Variants in RABGAP1L observed in about 807,000 individuals in gnomAD.
The protein encoded by RABGAP1L is rab GTPase-activating protein 1-like.
A neutral mutation model predicts 137.7 loss-of-function variants in RABGAP1L; 63 were observed. The ratio of observed to expected loss-of-function variants is 0.46; its 90% CI spans 0.37 to 0.56. The LOEUF is 0.56. Ranked by LOEUF, RABGAP1L falls within the 20% of genes least tolerant of loss-of-function variation. The pLI is 0.00. For synonymous variants in RABGAP1L, 431 were observed against 433.7 expected, an observed-to-expected ratio of 0.99 and a Z score of 0.08; for missense variants, 1,095 against 1,244.0, an observed-to-expected ratio of 0.88 and a Z score of 1.80.
At chr1:174,802,956 A>G (rs1326974087) in intron 18 of RABGAP1L, among the ~76,000 whole-genome samples, 1 of 152,360 alleles carries the variant, frequency 6.6e-6, no homozygotes, top group Non-Finnish European at 1.5e-5. Context: ...AGGAAGTACT[A>G]AAGTGTAAAA....
chr1:174,826,477 C>T (rs1691579388), intron 19 of RABGAP1L, among the ~76,000 whole-genome samples: 1 of 152,176 alleles, frequency 6.6e-6, no homozygotes, highest in African/African-American at 2.4e-5. Flanking sequence ...CTGCCTCGGC[C>T]TCTGAAAGTG....
At chr1:174,558,671 G>T (rs1667028158) in intron 13 of RABGAP1L, among the ~76,000 whole-genome samples, 1 of 152,170 alleles carries the variant, frequency 6.6e-6, no homozygotes. Flanking sequence ...AAATGCTGCT[G>T]CTTACCCATA....
intron 18 of RABGAP1L, among the ~76,000 whole-genome samples, chr1:174,787,976 T>C (rs1157990251): frequency 6.6e-6 from 1 of 152,178 alleles, no homozygotes; most frequent in African/African-American, 2.4e-5. Flanking sequence ...TTTTAAAAAC[T>C]TCCCTGTCCT....
intron 19 of RABGAP1L, among the ~76,000 whole-genome samples, chr1:174,840,524 C>T (rs1342041510): frequency 6.7e-6 from 1 of 148,944 alleles, no homozygotes; most frequent in Admixed American, 6.8e-5. Flanking sequence ...AAGAAGAAAG[C>T]GGGGGTGCTG....
At chr1:174,599,198 A>G (rs74126848) in intron 13 of RABGAP1L, among the ~76,000 whole-genome samples, 9,722 of 152,286 alleles carry the variant, frequency 0.064, 1,018 homozygotes, top group African/African-American at 0.22. Flanking sequence ...GTAAAACCAA[A>G]CGAAAAAGCA....
chr1:174,516,969 AAAAT>A (rs913281064), intron 13 of RABGAP1L, among the ~76,000 whole-genome samples: 4 of 146,264 alleles, frequency 2.7e-5, no homozygotes, highest in African/African-American at 1.0e-4. Flanking sequence ...ATAAATAAAT[AAAAT>A]AAATTATTGA....
intron 11 of RABGAP1L, among the ~76,000 whole-genome samples, chr1:174,307,920 T>C (rs1678457644): frequency 6.6e-6 from 1 of 152,146 alleles, no homozygotes; most frequent in Non-Finnish European, 1.5e-5. Flanking sequence ...TTGTACCAAT[T>C]TGTATATCTA....
chr1:174,496,237 G>A (rs993806488), intron 13 of RABGAP1L, among the ~76,000 whole-genome samples: 1 of 152,154 alleles, frequency 6.6e-6, no homozygotes. Flanking sequence ...TGCCACATTA[G>A]AAGGAAAATC....
At chr1:174,233,666 T>C (rs1468139060) in intron 4 of RABGAP1L, among the ~76,000 whole-genome samples, 3,037 of 130,562 alleles carry the variant, frequency 0.023, 198 homozygotes, top group African/African-American at 0.11. Flanking sequence ...AGTCTATCAT[T>C]GTTGGACATT....
At chr1:174,471,358 A>G (rs151025481) in intron 13 of RABGAP1L, among the ~76,000 whole-genome samples, 2,072 of 152,336 alleles carry the variant, frequency 0.014, 49 homozygotes, top group African/African-American at 0.046. Context: ...CCCCTTCAAC[A>G]GGGAAAGTAA....
chr1:174,712,589 C>T (rs932533189), intron 17 of RABGAP1L, among the ~76,000 whole-genome samples: 5 of 152,158 alleles, frequency 3.3e-5, no homozygotes, highest in East Asian at 3.9e-4. Flanking sequence ...TGAGAGTCTG[C>T]GGCTTCATTC....
intron 19 of RABGAP1L, among the ~76,000 whole-genome samples, chr1:174,865,572 T>C (rs971534060): frequency 9.7e-6 from 1 of 102,740 alleles, no homozygotes. Context: ...TCTATAGATA[T>C]CAGAGATTTT....
chr1:174,934,637 A>G (rs1263643348), intron 19 of RABGAP1L, among the ~76,000 whole-genome samples: 2 of 151,856 alleles, frequency 1.3e-5, no homozygotes, highest in African/African-American at 4.8e-5. Flanking sequence ...AAAAAAATAC[A>G]AAAAATAGCT....
intron 13 of RABGAP1L, among the ~76,000 whole-genome samples, chr1:174,530,353 A>C (rs1412882255): frequency 1.3e-5 from 2 of 152,112 alleles, no homozygotes; most frequent in Non-Finnish European, 2.9e-5. Context: ...TCTGTTGTAG[A>C]CAGCACTCAA....
chr1:174,338,576 G>T (rs1681692551), intron 11 of RABGAP1L, among the ~76,000 whole-genome samples: 1 of 150,822 alleles, frequency 6.6e-6, no homozygotes, highest in African/African-American at 2.4e-5. Context: ...TCTTGAATTT[G>T]GTGGATTGAA....
At chr1:174,351,692 G>A (rs1683204174) in intron 11 of RABGAP1L, among the ~76,000 whole-genome samples, 1 of 152,038 alleles carries the variant, frequency 6.6e-6, no homozygotes, top group African/African-American at 2.4e-5. Flanking sequence ...ACAACCTTAA[G>A]GTTGTCTTCT....
intron 6 of RABGAP1L, among the ~76,000 whole-genome samples, chr1:174,252,108 T>C (rs959614639): frequency 3.3e-5 from 5 of 152,202 alleles, no homozygotes; most frequent in East Asian, 3.9e-4. Flanking sequence ...TTGGCCAGGC[T>C]GGCCTCAAAC....
At chr1:174,231,464 C>A in intron 4 of RABGAP1L, 109 bp downstream of exon 4, 1 of 980,264 alleles carries the variant, frequency 1.0e-6, no homozygotes, top group Non-Finnish European at 1.6e-6. Context: ...ACACTGTAGA[C>A]ATGCAGAGTA....
At chr1:174,269,330 G>A (rs1391745217) in intron 7 of RABGAP1L, among the ~76,000 whole-genome samples, 1 of 152,244 alleles carries the variant, frequency 6.6e-6, no homozygotes, top group African/African-American at 2.4e-5. Context: ...TGTGGAAAGT[G>A]AGACTTTGAG....
Sources: gnomAD v4.1 joint callset for allele counts (sites outside exome capture counted in the v4.1 genomes callset) on GRCh38, gnomAD v4.1.1 for gene constraint, MANE v1.5 for transcripts, NCBI Gene and HGNC (gene_info 2026-07-23, HGNC 2026-07-21) for gene names.